Variants in GRIN2A observed in about 807,000 individuals in gnomAD.
The protein encoded by GRIN2A is glutamate ionotropic receptor NMDA type subunit 2A, also known as glutamate receptor ionotropic, NMDA 2A.
A neutral mutation model predicts 113.4 loss-of-function variants in GRIN2A; 22 were observed. That is an observed-to-expected ratio of 0.19 (90% CI 0.14 to 0.28). The LOEUF (loss-of-function observed/expected upper bound fraction) is 0.28, where lower values mean the gene tolerates loss of function less well. GRIN2A is among the 10% of genes least tolerant of loss of function. The probability of loss-of-function intolerance (pLI) is 1.00; values close to 1 mark genes in which losing one functional copy is unlikely to be tolerated. For synonymous variants in GRIN2A, 827 were observed against 738.4 expected (o/e 1.12, Z -1.94); for missense variants, 1,502 against 1,887.0 (o/e 0.80, Z 3.78).
intron 7 of GRIN2A, among the ~76,000 whole-genome samples, chr16:9,840,130 T>A (rs2042647828): frequency 6.6e-6 from 1 of 151,996 alleles, no homozygotes; most frequent in Non-Finnish European, 1.5e-5. Flanking sequence ...AAAAATAAAC[T>A]GTCTGAGATT....
intron 2 of GRIN2A, among the ~76,000 whole-genome samples, chr16:9,979,764 T>C (rs1489158423): frequency 6.8e-6 from 1 of 147,494 alleles, no homozygotes; most frequent in African/African-American, 2.5e-5. Context: ...CAGTCCTATA[T>C]ACATATAAGG....
chr16:9,761,716 T>TAA lies in GRIN2A; in HGVS notation c.*1431_*1432dup. ...AGTATTCCCCTCTCTGTCTCTAACT[T>TAA]AAAAAAAAAATGGATATCATTTCAT... On this transcript the variant is annotated 3_prime_UTR_variant, in exon 13 of 13. Coordinates refer to ENST00000330684, the MANE Select transcript of GRIN2A (RefSeq NM_001134407.3). 4.7e-6 allele frequency: 1 copy of TAA among 212,478 alleles called. No homozygotes were observed. Among genetic ancestry groups the TAA allele is most frequent in the Non-Finnish European group, 9.4e-6 (1 of 106,100 alleles). The allele number at this position is 212,478 out of a possible 1,614,324, so 13.2% of individuals were successfully genotyped here.
At chr16:9,793,858 TTATA>T (rs1160161126) in intron 11 of GRIN2A, among the ~76,000 whole-genome samples, 1 of 152,092 alleles carries the variant, frequency 6.6e-6, no homozygotes, top group African/African-American at 2.4e-5. Context: ...TGATATAAAT[TTATA>T]TATGTGAATT....
At chr16:10,133,013 T>C (rs1170262341) in intron 2 of GRIN2A, among the ~76,000 whole-genome samples, 2 of 152,204 alleles carry the variant, frequency 1.3e-5, no homozygotes, top group South Asian at 2.1e-4. Context: ...TCTGTTTCCA[T>C]GGTCACATCT....
Position 9,761,258 on chromosome 16 carries a change from C to T in GRIN2A, c.*1891G>A, listed in dbSNP as rs1900569786. On this transcript the variant is annotated 3_prime_UTR_variant, in exon 13 of 13. Transcript: ENST00000330684. Reference sequence around the variant, plus strand: ...TAAGGGAATCATCCCTGACACTTGCCCACATGCAAGAAAATAATACTTACA... The same window carrying T: ...TAAGGGAATCATCCCTGACACTTGCTCACATGCAAGAAAATAATACTTACA... 4.3e-6 allele frequency: 1 copy of T among 230,476 alleles called. No individual in the cohort carries two copies. The highest frequency in any genetic ancestry group is 2.2e-5 in the African/African-American group (1 of 45,146). The allele number at this position is 230,476 out of a possible 1,614,324, so 14.3% of individuals were successfully genotyped here.
chr16:10,177,894 G>C (rs1414229856), intron 2 of GRIN2A, among the ~76,000 whole-genome samples: 1 of 152,188 alleles, frequency 6.6e-6, no homozygotes, highest in Non-Finnish European at 1.5e-5. Flanking sequence ...ACGTTCGGAT[G>C]AATGAGTCAC....
At chr16:10,028,192 G>C (rs1235996194) in intron 2 of GRIN2A, among the ~76,000 whole-genome samples, 4 of 152,238 alleles carry the variant, frequency 2.6e-5, no homozygotes, top group Non-Finnish European at 5.9e-5. Flanking sequence ...CAGGAACTGT[G>C]ATTGTGCCCA....
At chr16:9,985,663 G>C (rs2045966354) in intron 2 of GRIN2A, among the ~76,000 whole-genome samples, 1 of 152,126 alleles carries the variant, frequency 6.6e-6, no homozygotes, top group Admixed American at 6.6e-5. Flanking sequence ...TGAACTCATG[G>C]AGGTAGAGAG....
intron 4 of GRIN2A, among the ~76,000 whole-genome samples, chr16:9,879,846 A>G (rs1249497902): frequency 2.6e-5 from 4 of 152,202 alleles, no homozygotes; most frequent in Non-Finnish European, 5.9e-5. Flanking sequence ...GTGAGTGATG[A>G]TTATTTTTTA....
rs773358718 is a variant in GRIN2A, at chr16:9,798,449, G to A, written c.2184C>T (p.Phe728=). ...VSLKTGKLDA[F]IYDAAVLNYK... is the part of the protein sequence containing the mutation. ...AATTCAAGACTGCGGCATCGTAGAT[G>A]AAAGCGTCCAGCTTCCTGAAATGAC... The change falls in exon 11 of 13, where the codon TTC becomes TTT. Residue 728 remains phenylalanine (F), a synonymous_variant. Coordinates refer to ENST00000330684, the MANE Select transcript of GRIN2A (RefSeq NM_001134407.3). 1.9e-6 allele frequency: 3 copies of A among 1,614,044 alleles called. No individual in the cohort carries two copies. Among genetic ancestry groups the A allele is most frequent in the South Asian group, 1.1e-5 (1 of 91,076 alleles).
At chr16:9,978,203 G>A (rs992744500) in intron 2 of GRIN2A, among the ~76,000 whole-genome samples, 9 of 152,198 alleles carry the variant, frequency 5.9e-5, no homozygotes, top group South Asian at 2.1e-4. Context: ...AGTTAGAGTT[G>A]TGTGTGATTT....
chr16:9,819,201 C>T (rs1025585342), intron 10 of GRIN2A, among the ~76,000 whole-genome samples: 5 of 151,836 alleles, frequency 3.3e-5, no homozygotes, highest in Admixed American at 6.6e-5. Flanking sequence ...TTATTTTTGA[C>T]GTATATAAAT....
intron 2 of GRIN2A, among the ~76,000 whole-genome samples, chr16:10,120,293 G>A (rs1395223684): frequency 1.3e-5 from 2 of 152,124 alleles, no homozygotes; most frequent in African/African-American, 4.8e-5. Context: ...TAGAGTCCAG[G>A]GATGTTGCTA....
chr16:9,987,959 C>T (rs1415624070), intron 2 of GRIN2A, among the ~76,000 whole-genome samples: 1 of 152,196 alleles, frequency 6.6e-6, no homozygotes, highest in Non-Finnish European at 1.5e-5. Flanking sequence ...TGTCTAGCAT[C>T]ATGCTCAGTG....
intron 2 of GRIN2A, among the ~76,000 whole-genome samples, chr16:10,157,904 T>G (rs545910855): frequency 6.6e-6 from 1 of 152,330 alleles, no homozygotes; most frequent in Non-Finnish European, 1.5e-5. Context: ...GTTTATTTGA[T>G]TGTTAGTTTG....
At chr16:9,789,426 G>C (rs1449214741) in intron 11 of GRIN2A, among the ~76,000 whole-genome samples, 1 of 152,068 alleles carries the variant, frequency 6.6e-6, no homozygotes, top group Non-Finnish European at 1.5e-5. Context: ...CCTAGATCTG[G>C]TGGACATGGA....
chr16:9,764,333 G>A lies in GRIN2A; in HGVS notation c.3211C>T (p.His1071Tyr), dbSNP rs1555482611. 1.2e-6 allele frequency: 2 copies of A among 1,614,018 alleles called. No individual in the cohort carries two copies. The highest frequency in any genetic ancestry group is 1.7e-5 in the Admixed American group (1 of 60,004). Residue 1071 changes from histidine (H) to tyrosine (Y), a missense_variant, in exon 13 of 13, where the codon CAC becomes TAC. By Grantham distance (83) the His-to-Tyr change is moderately conservative. Around this residue, in one of 7 missense-constraint regions of GRIN2A, gnomAD observed 832 missense variants for 789.7 expected, o/e 1.05. Transcript: ENST00000330684. ...TTCTTACTGTTGTCAGGTTCCCTGTGGCACGTGGCCCGATTTGACGTTTCT... is the reference window on the plus strand; with the variant it reads ...TTCTTACTGTTGTCAGGTTCCCTGTAGCACGTGGCCCGATTTGACGTTTCT... ...ISETSNRATC[H>Y]REPDNSKNHK...
rs550086964 is a variant in GRIN2A at position 10,121,098 on chromosome 16, G to A, written c.414+58900C>T. Among the ~76,000 whole-genome samples, 3 of 152,262 alleles carry A rather than the reference G, an allele frequency of 2.0e-5. No homozygotes were observed. The South Asian group carries it at 6.2e-4, about 32-fold the overall frequency. On this transcript the variant is annotated intron_variant, in intron 2 of 12. Coordinates refer to ENST00000330684, the MANE Select transcript of GRIN2A (RefSeq NM_001134407.3). ...TACTTTCATCGGTCCAACACTCTTG[G>A]TCAAAGCAGCAATCCACAGCAAGAA... is the stretch of plus-strand genomic sequence containing the variant.
chr16:10,143,291 T>C (rs12929343), intron 2 of GRIN2A, among the ~76,000 whole-genome samples: 2 of 152,102 alleles, frequency 1.3e-5, no homozygotes, highest in South Asian at 4.1e-4. Flanking sequence ...TGTATTCCAG[T>C]GTGTGGTATA....
Sources: gnomAD v4.1 joint callset for allele counts (sites outside exome capture counted in the v4.1 genomes callset) on GRCh38, gnomAD v4.1.1 for gene constraint, gnomAD v4.1.1 regional missense constraint, MANE v1.5 for transcripts, NCBI Gene and HGNC (gene_info 2026-07-23, HGNC 2026-07-21) for gene names.